SH3RF3: variants seen among roughly 807,000 people sequenced by gnomAD.
SH3RF3 encodes SH3 domain containing ring finger 3, also known as E3 ubiquitin-protein ligase SH3RF3.
SH3RF3 carries 29 observed loss-of-function variants against 66.3 expected under a neutral mutation model. The ratio of observed to expected loss-of-function variants is 0.44; its 90% CI spans 0.33 to 0.60. The LOEUF (loss-of-function observed/expected upper bound fraction) is 0.60, where lower values mean the gene tolerates loss of function less well. Among genes scored for constraint, SH3RF3 ranks in the 20% least tolerant of loss-of-function variants. The pLI, the probability that SH3RF3 is intolerant of heterozygous loss-of-function variation, is 0.04. For missense variants in SH3RF3, 1,194 were observed against 1,190.9 expected, an observed-to-expected ratio of 1.00 and a Z score of -0.04; for synonymous variants, 583 against 532.0, an observed-to-expected ratio of 1.10 and a Z score of -1.32.
intron 1 of SH3RF3, among the ~76,000 whole-genome samples, chr2:109,305,789 T>G (rs991889948): frequency 8.5e-5 from 13 of 152,222 alleles, no homozygotes; most frequent in African/African-American, 3.1e-4. Context: ...CAAAACTTGC[T>G]GGAGGTGGTC....
At chr2:109,318,115 C>A (rs546995013) in intron 1 of SH3RF3, among the ~76,000 whole-genome samples, 1 of 146,674 alleles carries the variant, frequency 6.8e-6, no homozygotes, top group Admixed American at 6.8e-5. Flanking sequence ...AAAAAAAGCC[C>A]CCTTTAAGCA....
intron 2 of SH3RF3, among the ~76,000 whole-genome samples, chr2:109,366,382 G>T (rs1017128750): frequency 6.6e-6 from 1 of 152,156 alleles, no homozygotes; most frequent in African/African-American, 2.4e-5. Flanking sequence ...GTCACTAAAT[G>T]ATCTTTAGAC....
At chr2:109,350,286 G>A (rs528095599) in intron 2 of SH3RF3, among the ~76,000 whole-genome samples, 77 of 152,340 alleles carry the variant, frequency 5.1e-4, no homozygotes, top group Admixed American at 7.2e-4. Context: ...ATTGAGGTCA[G>A]AGGCGCCAGC....
intron 3 of SH3RF3, among the ~76,000 whole-genome samples, chr2:109,384,609 G>T (rs1478585289): frequency 6.6e-6 from 1 of 152,124 alleles, no homozygotes; most frequent in Non-Finnish European, 1.5e-5. Context: ...TCTCTTCCAG[G>T]CCCCTTCTCT....
chr2:109,129,635 G>T lies in SH3RF3; in HGVS notation c.95G>T (p.Arg32Leu). 6.7e-7 allele frequency: 1 copy of T among 1,494,898 alleles called. No individual in the cohort carries two copies. The allele number at this position is 1,494,898 out of a possible 1,614,324, so 92.6% of individuals were successfully genotyped here. A position where few individuals can be genotyped will look rare whatever the true frequency, so the allele number is the denominator to read the frequency against. Residue 32 changes from arginine (R) to leucine (L), a missense_variant, in exon 1 of 10, where the codon CGG becomes CTG. By Grantham distance (102) the Arg-to-Leu change is moderately radical. Transcript: ENST00000309415. ...GAGGACAGGCCAGGCGAGCGACGGC[G>T]GCGTCGGGCGGCGGCCACCGCCGCG... ...GDEDRPGERRRRRAAATAAGA... is the reference protein window; with the variant it reads ...GDEDRPGERRLRRAAATAAGA...
intron 1 of SH3RF3, among the ~76,000 whole-genome samples, chr2:109,234,786 C>T (rs912130993): frequency 6.6e-6 from 1 of 152,182 alleles, no homozygotes; most frequent in Non-Finnish European, 1.5e-5. Context: ...TACATCTTCA[C>T]ACCTGACTTC....
intron 1 of SH3RF3, among the ~76,000 whole-genome samples, chr2:109,236,375 G>A (rs903924214): frequency 3.3e-5 from 5 of 152,152 alleles, no homozygotes; most frequent in African/African-American, 1.2e-4. Context: ...AAGCACTCTG[G>A]AAGAGCTCCC....
intron 2 of SH3RF3, among the ~76,000 whole-genome samples, chr2:109,368,306 TTTG>T: frequency 6.6e-6 from 1 of 152,344 alleles, no homozygotes; most frequent in East Asian, 1.9e-4. Context: ...TAGCCAAATC[TTTG>T]TTATCATACC....
intron 9 of SH3RF3, among the ~76,000 whole-genome samples, chr2:109,497,822 CTTGT>C (rs1164333318): frequency 6.6e-6 from 1 of 152,234 alleles, no homozygotes; most frequent in Non-Finnish European, 1.5e-5. Flanking sequence ...TTTAAAGCTG[CTTGT>C]TTATTTCACA....
chr2:109,315,039 G>A (rs1366061307), intron 1 of SH3RF3, among the ~76,000 whole-genome samples: 2 of 152,142 alleles, frequency 1.3e-5, no homozygotes, highest in African/African-American at 2.4e-5. Flanking sequence ...AGTGAACAGC[G>A]ACCACATTGA....
At chr2:109,451,225 T>C (rs1414808014) in intron 8 of SH3RF3, among the ~76,000 whole-genome samples, 1 of 152,232 alleles carries the variant, frequency 6.6e-6, no homozygotes, top group Non-Finnish European at 1.5e-5. Flanking sequence ...AGCTGCTCTG[T>C]GTTTTGTGTG....
intron 1 of SH3RF3, among the ~76,000 whole-genome samples, chr2:109,273,641 A>G (rs1334108118): frequency 1.3e-5 from 2 of 152,220 alleles, no homozygotes; most frequent in Non-Finnish European, 2.9e-5. Flanking sequence ...ATGGCTTCAT[A>G]TGATGATAGA....
intron 1 of SH3RF3, among the ~76,000 whole-genome samples, chr2:109,304,827 G>A (rs915883675): frequency 1.3e-5 from 2 of 152,138 alleles, no homozygotes; most frequent in South Asian, 2.1e-4. Flanking sequence ...ATTAGACCTC[G>A]TGAGAGCCAC....
At chr2:109,375,741 C>T (rs1411212926) in intron 3 of SH3RF3, among the ~76,000 whole-genome samples, 1 of 152,224 alleles carries the variant, frequency 6.6e-6, no homozygotes, top group Non-Finnish European at 1.5e-5. Flanking sequence ...CCCTGCAGCC[C>T]CCCTCTCTTT....
intron 1 of SH3RF3, among the ~76,000 whole-genome samples, chr2:109,272,472 G>A (rs1680649061): frequency 6.6e-6 from 1 of 152,212 alleles, no homozygotes; most frequent in African/African-American, 2.4e-5. Context: ...CTGGTGTGTG[G>A]GACGCAGGGA....
chr2:109,141,972 C>T (rs1454548371), intron 1 of SH3RF3, among the ~76,000 whole-genome samples: 3 of 152,076 alleles, frequency 2.0e-5, no homozygotes, highest in Non-Finnish European at 4.4e-5. Flanking sequence ...ACTTCTGTGA[C>T]ACCTCCTCTG....
At chr2:109,326,691 A>C (rs771481664) in intron 1 of SH3RF3, among the ~76,000 whole-genome samples, 1 of 152,224 alleles carries the variant, frequency 6.6e-6, no homozygotes, top group Non-Finnish European at 1.5e-5. Flanking sequence ...TTCTTGAAAG[A>C]TCTATCTGTT....
intron 4 of SH3RF3, among the ~76,000 whole-genome samples, chr2:109,412,029 C>A (rs1264250548): frequency 6.6e-6 from 1 of 152,220 alleles, no homozygotes; most frequent in Non-Finnish European, 1.5e-5. Flanking sequence ...ACTGTCCACA[C>A]CTCAGGTTCC....
At chr2:109,364,273 G>C (rs1032318182) in intron 2 of SH3RF3, among the ~76,000 whole-genome samples, 1 of 151,634 alleles carries the variant, frequency 6.6e-6, no homozygotes, top group African/African-American at 2.4e-5. Context: ...CTCCTAATAA[G>C]CACGTCGAAG....
Sources: gnomAD v4.1 joint callset for allele counts (sites outside exome capture counted in the v4.1 genomes callset) on GRCh38, gnomAD v4.1.1 for gene constraint, MANE v1.5 for transcripts, NCBI Gene and HGNC (gene_info 2026-07-23, HGNC 2026-07-21) for gene names.